Variants in IQCB1 observed in about 807,000 individuals in gnomAD.
The protein encoded by IQCB1 is IQ calmodulin-binding motif-containing protein 1.
Under a neutral mutation model 84.4 loss-of-function variants are expected in IQCB1, and 56 were observed. That is an observed-to-expected ratio of 0.66 (90% CI 0.54 to 0.83). IQCB1 has a LOEUF of 0.83. Among genes scored for constraint, IQCB1 ranks in the 40% least tolerant of loss-of-function variants. The pLI is 0.00. For missense variants in IQCB1, 629 were observed against 682.1 expected, an observed-to-expected ratio of 0.92 and a Z score of 0.87; for synonymous variants, 210 against 234.8, an observed-to-expected ratio of 0.89 and a Z score of 0.96.
At chr3:121,832,613 C>A (rs1044168826) in intron 2 of IQCB1, among the ~76,000 whole-genome samples, 3 of 152,198 alleles carry the variant, frequency 2.0e-5, no homozygotes, top group African/African-American at 7.2e-5. Context: ...AGGCATGAGC[C>A]ACAGCGCCCA....
At position 121,788,383 on chromosome 3, in the gene IQCB1, A is replaced by C; in HGVS notation, c.1179T>G (p.Ile393Met). The C allele has an allele frequency of 5.0e-6, 8 of 1,613,766 alleles. No homozygotes were observed. The highest frequency in any genetic ancestry group is 5.9e-6 in the Non-Finnish European group (7 of 1,179,726). The change falls in exon 12 of 15, where the codon ATT (isoleucine) becomes ATG (methionine). Residue 393 changes from isoleucine (I) to methionine (M), a missense_variant. Physicochemically the swap from Ile to Met is conservative, Grantham distance 10. Coordinates refer to ENST00000310864, the MANE Select transcript of IQCB1 (RefSeq NM_001023570.4). ...YREMEEKSAL[I>M]IQKHWRGYRE... ...TGTACCCTCTCCAATGTTTCTGGAT[A>C]ATCAGTGCTGATTTCTCTTCCATTT...
At chr3:121,809,135 G>A (rs1949726327) in intron 5 of IQCB1, 126 bp from the exon 6 acceptor site, 1 of 630,698 alleles carries the variant, frequency 1.6e-6, no homozygotes, top group Admixed American at 3.0e-5. Context: ...TATTTATGAG[G>A]GACATGATTT....
chr3:121,823,108 T>C (rs1375441650), intron 5 of IQCB1, among the ~76,000 whole-genome samples: 1 of 152,114 alleles, frequency 6.6e-6, no homozygotes, highest in Non-Finnish European at 1.5e-5. Context: ...AAAAATTCAC[T>C]AGGTAGGATT....
At chr3:121,830,385 G>A (rs1406476299) in intron 2 of IQCB1, among the ~76,000 whole-genome samples, 2 of 151,482 alleles carry the variant, frequency 1.3e-5, no homozygotes, top group Admixed American at 6.6e-5. Flanking sequence ...GGTCAACAAA[G>A]CAAGACCCTG....
rs2108503202 is a variant in IQCB1 at position 121,770,475 on chromosome 3, G to A, written c.1667C>T (p.Thr556Ile). ...AAKAKQAHLTTLKHIQAPWWK... is the reference protein window; with the variant it reads ...AAKAKQAHLTILKHIQAPWWK... ...CCAGGGTGCTTGTATGTGCTTCAGGGTTGTGAGATGGGCCTGCTTGGCCTT... is the reference window on the plus strand; with the variant it reads ...CCAGGGTGCTTGTATGTGCTTCAGGATTGTGAGATGGGCCTGCTTGGCCTT... Residue 556 changes from threonine (T) to isoleucine (I), a missense_variant, in exon 15 of 15, where the codon ACC becomes ATC. Transcript: ENST00000310864. 6.2e-7 allele frequency: 1 copy of A among 1,614,210 alleles called. No homozygotes were observed.
At chr3:121,824,629 G>T (rs1251485627) in intron 5 of IQCB1, among the ~76,000 whole-genome samples, 1 of 140,762 alleles carries the variant, frequency 7.1e-6, no homozygotes, top group Admixed American at 7.1e-5. Flanking sequence ...AAAAAAAAAA[G>T]ACCAGTTCAT....
In IQCB1 at chr3:121,775,928, A is replaced by C. The variant is rs183630242; in HGVS notation, c.1411-3215T>G. Among the ~76,000 whole-genome samples, 4 of 152,306 alleles carry C rather than the reference A, an allele frequency of 2.6e-5. No individual in the cohort carries two copies. The East Asian group carries it at 7.7e-4, about 29-fold the overall frequency. ...ATCCCAAGCAACTACTTATCTATTT[A>C]ATGTTACTATAGATTGGTTTATATT... On this transcript the variant is annotated intron_variant, in intron 13 of 14. Coordinates refer to ENST00000310864, the MANE Select transcript of IQCB1 (RefSeq NM_001023570.4).
intron 8 of IQCB1, among the ~76,000 whole-genome samples, chr3:121,798,242 C>T (rs559390046): frequency 4.6e-5 from 7 of 151,992 alleles, no homozygotes; most frequent in South Asian, 4.1e-4. Context: ...TACATTATTA[C>T]AATGTCTTCA....
At chr3:121,789,813 C>T (rs975926653) in intron 11 of IQCB1, among the ~76,000 whole-genome samples, 1 of 152,044 alleles carries the variant, frequency 6.6e-6, no homozygotes, top group Non-Finnish European at 1.5e-5. Context: ...TTTATGCATA[C>T]ATTTTTATGT....
intron 5 of IQCB1, among the ~76,000 whole-genome samples, chr3:121,812,773 A>C (rs769360904): frequency 6.6e-6 from 1 of 152,220 alleles, no homozygotes; most frequent in Non-Finnish European, 1.5e-5. Context: ...GAACTATGTG[A>C]AAAGACAAAC....
chr3:121,822,351 T>G (rs1950303864), intron 5 of IQCB1, among the ~76,000 whole-genome samples: 1 of 152,206 alleles, frequency 6.6e-6, no homozygotes, highest in African/African-American at 2.4e-5. Context: ...CAGTGTGTGT[T>G]TATCAACATA....
At chr3:121,812,849 A>G (rs1949882479) in intron 5 of IQCB1, among the ~76,000 whole-genome samples, 2 of 152,232 alleles carry the variant, frequency 1.3e-5, no homozygotes, top group South Asian at 4.1e-4. Context: ...ACACTTCAGG[A>G]TATTATCCAG....
intron 13 of IQCB1, 55 bp downstream of exon 13, chr3:121,781,688 A>G: frequency 6.8e-7 from 1 of 1,472,094 alleles, no homozygotes; most frequent in Non-Finnish European, 9.5e-7. Flanking sequence ...GTGTACAGTT[A>G]TCAATATCAT....
intron 1 of IQCB1, among the ~76,000 whole-genome samples, chr3:121,834,680 A>C (rs951854603): frequency 6.6e-6 from 1 of 152,192 alleles, no homozygotes; most frequent in African/African-American, 2.4e-5. Context: ...TTCAAGTCTA[A>C]GGACCGAGAT....
chr3:121,788,445 T>TA lies in IQCB1; in HGVS notation c.1130-14dup, dbSNP rs1559763497. The stretch of plus-strand genomic sequence containing the variant: ...TTCTCCACCTGACCTAAAAAGATGA[T>TA]AGACACTATTACAACATACTCACTG... On this transcript the variant is annotated splice_polypyrimidine_tract_variant and intron_variant, in intron 11 of 14. Coordinates refer to ENST00000310864, the MANE Select transcript of IQCB1 (RefSeq NM_001023570.4). The TA allele has an allele frequency of 6.2e-7, 1 of 1,610,354 alleles. No individual in the cohort carries two copies. Among genetic ancestry groups the TA allele is most frequent in the Admixed American group, 1.7e-5 (1 of 60,016 alleles).
At position 121,788,319 on chromosome 3, in the gene IQCB1, TGA is replaced by T; in HGVS notation, c.1241_1242del (p.Leu414HisfsTer4). 4 of 1,614,006 alleles carry T rather than the reference TGA, an allele frequency of 2.5e-6. No homozygotes were observed. The highest frequency in any genetic ancestry group is 3.4e-6 in the Non-Finnish European group (4 of 1,179,928). On this transcript the variant is annotated frameshift_variant, in exon 12 of 15. Transcript: ENST00000310864. LOFTEE classifies it high-confidence loss of function. ...RKNFHQQRQS[L>X]IEYKAAVTLQ... ...AGTGTGACAGCTGCTTTATACTCTA[TGA>T]GAGACTGCCTCTGTTGGTGAAAATT...
At chr3:121,776,794 GTATC>G (rs1226482617) in intron 13 of IQCB1, among the ~76,000 whole-genome samples, 2 of 152,142 alleles carry the variant, frequency 1.3e-5, no homozygotes, top group Non-Finnish European at 2.9e-5. Flanking sequence ...TTTTGGTGAA[GTATC>G]TGTTCAAAGC....
intron 12 of IQCB1, among the ~76,000 whole-genome samples, chr3:121,786,651 T>C (rs1230547080): frequency 6.6e-6 from 1 of 152,230 alleles, no homozygotes; most frequent in Admixed American, 6.5e-5. Flanking sequence ...TTCCTTTTCT[T>C]AGCTAGAGGA....
chr3:121,776,396 T>C (rs926065826), intron 13 of IQCB1, among the ~76,000 whole-genome samples: 2 of 152,178 alleles, frequency 1.3e-5, no homozygotes, highest in Non-Finnish European at 2.9e-5. Flanking sequence ...AATCATATGA[T>C]AGATGTATGT....
Sources: gnomAD v4.1 joint callset for allele counts (sites outside exome capture counted in the v4.1 genomes callset) on GRCh38, gnomAD v4.1.1 for gene constraint, MANE v1.5 for transcripts, NCBI Gene and HGNC (gene_info 2026-07-23, HGNC 2026-07-21) for gene names.